Variants in PREX2 observed in about 807,000 individuals in gnomAD.
The protein encoded by PREX2 is phosphatidylinositol-3,4,5-trisphosphate dependent Rac exchange factor 2, also known as phosphatidylinositol 3,4,5-trisphosphate-dependent Rac exchanger 2 protein.
Under a neutral mutation model 203.2 loss-of-function variants are expected in PREX2, and 107 were observed. The ratio of observed to expected loss-of-function variants is 0.53; its 90% CI spans 0.45 to 0.62. The LOEUF is 0.62. Ranked by LOEUF, PREX2 falls within the 20% of genes least tolerant of loss-of-function variation. PREX2 has a pLI of 0.00. For synonymous variants in PREX2, 672 were observed against 663.6 expected, an observed-to-expected ratio of 1.01 and a Z score of -0.19; for missense variants, 1,777 against 1,955.9, an observed-to-expected ratio of 0.91 and a Z score of 1.72.
intron 25 of PREX2, among the ~76,000 whole-genome samples, chr8:68,114,144 G>A (rs1368580359): frequency 3.9e-5 from 6 of 152,152 alleles, no homozygotes; most frequent in Non-Finnish European, 7.3e-5. Flanking sequence ...TTACAGGCAT[G>A]AGCCACCGCG....
At chr8:68,207,916 G>A (rs1221489619) in intron 37 of PREX2, among the ~76,000 whole-genome samples, 1 of 151,966 alleles carries the variant, frequency 6.6e-6, no homozygotes, top group Non-Finnish European at 1.5e-5. Flanking sequence ...ATACAAATAT[G>A]GGAACTATAA....
At chr8:67,984,822 C>T (rs1353858945) in intron 1 of PREX2, among the ~76,000 whole-genome samples, 1 of 152,114 alleles carries the variant, frequency 6.6e-6, no homozygotes, top group Non-Finnish European at 1.5e-5. Flanking sequence ...CAATTCCCAG[C>T]CTTCCCAGAA....
chr8:67,966,737 T>G lies in PREX2; in HGVS notation c.141+14202T>G, dbSNP rs547006051. Among the ~76,000 whole-genome samples, 5 of 152,352 alleles carry G rather than the reference T, an allele frequency of 3.3e-5. No homozygotes were observed. In the South Asian group the frequency reaches 6.2e-4, roughly 19 times the overall value. On this transcript the variant is annotated intron_variant, in intron 1 of 39. Coordinates refer to ENST00000288368, the MANE Select transcript of PREX2 (RefSeq NM_024870.4). ...GCAATGAATCAGGCAACCTAAAAAA[T>G]AACCCCTAATATGCTAAGCATTGTG... is the stretch of plus-strand genomic sequence containing the variant.
chr8:68,160,014 A>G (rs1811624629), intron 35 of PREX2, among the ~76,000 whole-genome samples: 1 of 152,212 alleles, frequency 6.6e-6, no homozygotes, highest in African/African-American at 2.4e-5. Context: ...AGCATCAGCA[A>G]TATCTCAAAC....
intron 10 of PREX2, among the ~76,000 whole-genome samples, chr8:68,060,166 C>T (rs1163377322): frequency 6.6e-6 from 1 of 152,140 alleles, no homozygotes; most frequent in Non-Finnish European, 1.5e-5. Context: ...CTGTAGAATC[C>T]TACCTACCAC....
chr8:68,012,082 T>C (rs189398848), intron 1 of PREX2, among the ~76,000 whole-genome samples: 2 of 152,302 alleles, frequency 1.3e-5, no homozygotes, highest in Admixed American at 1.3e-4. Context: ...AAGTATTAAA[T>C]ATCTTCAAAA....
At chr8:68,144,245 CTTGGTGTT>C (rs1347903872) in intron 33 of PREX2, among the ~76,000 whole-genome samples, 4 of 152,120 alleles carry the variant, frequency 2.6e-5, no homozygotes, top group African/African-American at 9.7e-5. Context: ...TGGGATTTTA[CTTGGTGTT>C]TCACTGACAT....
rs188776669 is a variant in PREX2 at position 68,218,507 on chromosome 8, A to G, written c.4707+789A>G. 6.6e-5 allele frequency among the ~76,000 whole-genome samples: 10 copies of G among 152,370 alleles called. No homozygotes were observed. In the South Asian group the frequency reaches 1.0e-3, roughly 16 times the overall value. On this transcript the variant is annotated intron_variant, in intron 38 of 39. Transcript: ENST00000288368. Reference sequence around the variant, plus strand: ...ACCACCTTTTCTTTGGGCTACCACAAGAAATTGATTTAACAAATTTCTCTA... The same window carrying G: ...ACCACCTTTTCTTTGGGCTACCACAGGAAATTGATTTAACAAATTTCTCTA...
intron 35 of PREX2, among the ~76,000 whole-genome samples, chr8:68,190,100 G>A (rs1812262971): frequency 6.6e-6 from 1 of 152,184 alleles, no homozygotes; most frequent in Non-Finnish European, 1.5e-5. Flanking sequence ...CCCACACAGG[G>A]TATAGCGTTG....
intron 10 of PREX2, among the ~76,000 whole-genome samples, chr8:68,057,183 G>C (rs188461156): frequency 1.3e-5 from 2 of 152,200 alleles, no homozygotes; most frequent in East Asian, 3.9e-4. Context: ...TTTATAAGGG[G>C]CTCTTCCTCC....
intron 39 of PREX2, among the ~76,000 whole-genome samples, chr8:68,229,477 A>G (rs1003254386): frequency 3.3e-5 from 5 of 152,204 alleles, no homozygotes; most frequent in African/African-American, 1.2e-4. Flanking sequence ...AAAGCTCTGC[A>G]ATTTCCATTA....
intron 2 of PREX2, 134 bp from the exon 3 acceptor site, chr8:68,019,415 T>C (rs2129610206): frequency 1.6e-6 from 1 of 633,580 alleles, no homozygotes; most frequent in East Asian, 3.1e-5. Flanking sequence ...CCAGACAAAA[T>C]TGAGGCTCTG....
intron 35 of PREX2, among the ~76,000 whole-genome samples, chr8:68,172,337 A>G (rs1210841410): frequency 1.3e-5 from 2 of 152,224 alleles, no homozygotes; most frequent in Non-Finnish European, 2.9e-5. Context: ...AAGTAAAACT[A>G]AAGAACTGCG....
At chr8:68,103,972 A>T (rs996467500) in intron 23 of PREX2, among the ~76,000 whole-genome samples, 2 of 151,762 alleles carry the variant, frequency 1.3e-5, no homozygotes, top group African/African-American at 2.4e-5. Context: ...TCCATATCTC[A>T]CGCTTCACAT....
At chr8:68,205,173 CTGAG>C (rs1291451076) in intron 37 of PREX2, among the ~76,000 whole-genome samples, 29 of 152,244 alleles carry the variant, frequency 1.9e-4, no homozygotes, top group African/African-American at 6.7e-4. Context: ...AAAAACTTGC[CTGAG>C]TAACTACTGG....
intron 1 of PREX2, among the ~76,000 whole-genome samples, chr8:68,016,621 T>G (rs1413944360): frequency 6.6e-6 from 1 of 152,148 alleles, no homozygotes; most frequent in Non-Finnish European, 1.5e-5. Flanking sequence ...TATTTTTATT[T>G]TTATCTTTTG....
At chr8:68,136,903 C>T (rs1195828035) in intron 32 of PREX2, among the ~76,000 whole-genome samples, 1 of 151,674 alleles carries the variant, frequency 6.6e-6, no homozygotes, top group Non-Finnish European at 1.5e-5. Flanking sequence ...TACGAGGTTA[C>T]AGCAACTTTT....
intron 1 of PREX2, among the ~76,000 whole-genome samples, chr8:68,011,667 A>G (rs1005888498): frequency 6.6e-6 from 1 of 152,050 alleles, no homozygotes; most frequent in African/African-American, 2.4e-5. Context: ...AATGTTAGCA[A>G]TTGAGTCAAT....
At chr8:68,224,416 C>T (rs1053368302) in intron 38 of PREX2, 143 bp from the exon 39 acceptor site, 29 of 658,084 alleles carry the variant, frequency 4.4e-5, no homozygotes, top group Non-Finnish European at 7.2e-5. Flanking sequence ...AATGCTCAGA[C>T]AGCGATGTCT....
Sources: allele counts gnomAD v4.1 joint callset (sites outside exome capture counted in the v4.1 genomes callset), GRCh38; gene constraint gnomAD v4.1.1; transcripts MANE v1.5; gene names NCBI Gene and HGNC (gene_info 2026-07-23, HGNC 2026-07-21).